Variants in GVQW3 observed in about 807,000 individuals in gnomAD.
GVQW3 encodes GVQW motif containing 3, also known as protein GVQW3.
A neutral mutation model predicts 12.5 loss-of-function variants in GVQW3; 7 were observed. That is an observed-to-expected ratio of 0.56 (90% confidence interval 0.32 to 1.05). The LOEUF is 1.05. Among genes scored for constraint, GVQW3 ranks in the 50% least tolerant of loss-of-function variants. GVQW3 has a pLI of 0.04. For missense variants in GVQW3, 188 were observed against 190.8 expected (o/e 0.99, Z 0.09); for synonymous variants, 71 against 67.2 (o/e 1.06, Z -0.28).
intron 1 of GVQW3, among the ~76,000 whole-genome samples, chr11:76,390,462 C>G (rs1389416115): frequency 6.6e-6 from 1 of 152,190 alleles, no homozygotes; most frequent in African/African-American, 2.4e-5. Context: ...TGATGCTGTT[C>G]TAGACACAAT....
rs144556503 is a variant in GVQW3 at position 76,381,344 on chromosome 11, C to T, written c.-485C>T. 0.021 allele frequency: 3,207 copies of T among 153,632 alleles called. 116 individuals carry two copies. The highest frequency in any genetic ancestry group is 0.074 in the African/African-American group (3,073 of 41,638). 9.5% of individuals were successfully genotyped at this position (153,632 alleles called of 1,614,324 possible). On this transcript the variant is annotated 5_prime_UTR_variant, in exon 1 of 2. In the 5' UTR this introduces an upstream ATG that the reference lacks. Coordinates refer to ENST00000529331, the MANE Select transcript of GVQW3 (RefSeq NM_001347885.2). ...GCGCATGCGCGCCTGTCTCCCGGGACGCTAGAGCAGGCGGTTCCTGGGCTG... is the reference window on the plus strand; with the variant it reads ...GCGCATGCGCGCCTGTCTCCCGGGATGCTAGAGCAGGCGGTTCCTGGGCTG...
At chr11:76,386,953 A>C (rs997849128) in intron 1 of GVQW3, among the ~76,000 whole-genome samples, 1 of 152,210 alleles carries the variant, frequency 6.6e-6, no homozygotes, top group African/African-American at 2.4e-5. Context: ...ACAGACTTCT[A>C]TAAAGGAGTC....
chr11:76,398,068 G>A (rs566704712), intron 1 of GVQW3, among the ~76,000 whole-genome samples: 1 of 150,288 alleles, frequency 6.7e-6, no homozygotes, highest in South Asian at 2.1e-4. Context: ...CCAGGAGGCA[G>A]AGGTTGTAGT....
chr11:76,397,255 G>A (rs1242146662), intron 1 of GVQW3, among the ~76,000 whole-genome samples: 2 of 152,038 alleles, frequency 1.3e-5, no homozygotes, highest in Non-Finnish European at 2.9e-5. Flanking sequence ...GCCCACCTTG[G>A]CCTCCCAAAG....
At position 76,382,128 on chromosome 11, in the gene GVQW3, CAAAG is replaced by C. The variant is rs1946778982; in HGVS notation, c.304_307del (p.Glu102LeufsTer6). Reference sequence around the variant, plus strand: ...TGATGGCTGAAGAGTTAAATTTAGACAAAGAAACTGTTAGGCTCATTTTGAAAGA... The same window carrying C: ...TGATGGCTGAAGAGTTAAATTTAGACAAACTGTTAGGCTCATTTTGAAAGA... On this transcript the variant is annotated frameshift_variant, in exon 1 of 2. Coordinates refer to ENST00000529331, the MANE Select transcript of GVQW3 (RefSeq NM_001347885.2). LOFTEE classifies it high-confidence loss of function. The C allele has an allele frequency of 6.5e-7, 1 of 1,536,364 alleles. No individual in the cohort carries two copies.
chr11:76,409,759 C>G (rs1460304886), downstream of GVQW3, among the ~76,000 whole-genome samples: 1 of 152,180 alleles, frequency 6.6e-6, no homozygotes, highest in Non-Finnish European at 1.5e-5. Flanking sequence ...GAACCTGGCA[C>G]AGAGTCTGTG....
chr11:76,387,296 CGTG>C (rs1182186502), intron 1 of GVQW3, among the ~76,000 whole-genome samples: 6 of 151,788 alleles, frequency 4.0e-5, no homozygotes, highest in African/African-American at 1.5e-4. Flanking sequence ...ATTAGCCGGG[CGTG>C]GTGGTGTGTG....
Position 76,408,117 on chromosome 11 carries a change from C to T in GVQW3, c.*4359C>T, listed in dbSNP as rs776999586. The T allele has an allele frequency of 2.0e-5, 3 of 151,982 alleles. No homozygotes were observed. The highest frequency in any genetic ancestry group is 2.1e-4 in the South Asian group (1 of 4,820). The allele number at this position is 151,982 out of a possible 1,614,324, so 9.4% of individuals were successfully genotyped here. On this transcript the variant is annotated 3_prime_UTR_variant, in exon 2 of 2. Transcript: ENST00000529331. ...ATATGTATAATGAACATTAAAATTA[C>T]TTGTTAAGAAAGAAAGAAATGTGTT...
chr11:76,381,536 ACTGGCAAAC>A lies in GVQW3; in HGVS notation c.-292_-284del. 23 of 325,644 alleles carry A rather than the reference ACTGGCAAAC, an allele frequency of 7.1e-5. No individual in the cohort carries two copies. Among genetic ancestry groups the A allele is most frequent in the South Asian group, 3.2e-4 (5 of 15,536 alleles). The allele number at this position is 325,644 out of a possible 1,614,324, so 20.2% of individuals were successfully genotyped here. On this transcript the variant is annotated 5_prime_UTR_variant, in exon 1 of 2. Coordinates refer to ENST00000529331, the MANE Select transcript of GVQW3 (RefSeq NM_001347885.2). ...CCGCGGAATCGGAGCGACCTTGGTG[ACTGGCAAAC>A]TCTCGGCAGATGTGCGTGCACTGGT...
rs1947016179 is a variant in GVQW3, at chr11:76,404,009, C to T, written c.*251C>T. 4.7e-6 allele frequency: 3 copies of T among 641,374 alleles called. No individual in the cohort carries two copies. 39.7% of individuals were successfully genotyped at this position (641,374 alleles called of 1,614,324 possible). On this transcript the variant is annotated 3_prime_UTR_variant, in exon 2 of 2. Coordinates refer to ENST00000529331, the MANE Select transcript of GVQW3 (RefSeq NM_001347885.2). ...CTACCAATTCAAATGCTAATCTCTT[C>T]CGGAAACATCCCCACAGACACACCC...
At chr11:76,390,821 C>T (rs569279255) in intron 1 of GVQW3, among the ~76,000 whole-genome samples, 161 of 124,752 alleles carry the variant, frequency 1.3e-3, no homozygotes, top group African/African-American at 4.3e-3. Flanking sequence ...AGCAAGACTC[C>T]GTCTTAAAAA....
chr11:76,399,937 C>A (rs1946972300), intron 1 of GVQW3, among the ~76,000 whole-genome samples: 1 of 151,626 alleles, frequency 6.6e-6, no homozygotes, highest in African/African-American at 2.4e-5. Flanking sequence ...CTTGGAACTT[C>A]TCAGCCTCCG....
chr11:76,412,369 T>C (rs1947085193), downstream of GVQW3: 1 of 152,174 alleles, frequency 6.6e-6, no homozygotes, highest in Non-Finnish European at 1.5e-5. Flanking sequence ...GAAGTGGTAC[T>C]GAAGGATGGG....
In GVQW3 at chr11:76,407,576, C is replaced by CAAAAAAAAA. The variant is rs36229661; in HGVS notation, c.*3837_*3845dup. ...TGGGCGGCAGAGCAAGACTCCCTCT[C>CAAAAAAAAA]AAAAAAAAAAAAAAAAAAAAAAAAA... On this transcript the variant is annotated 3_prime_UTR_variant, in exon 2 of 2. Transcript: ENST00000529331. 1 of 88,556 alleles carries CAAAAAAAAA rather than the reference C, an allele frequency of 1.1e-5. No homozygotes were observed. 5.5% of individuals were successfully genotyped at this position (88,556 alleles called of 1,614,324 possible). A position where few individuals can be genotyped will look rare whatever the true frequency, so the allele number is the denominator to read the frequency against.
downstream of GVQW3, among the ~76,000 whole-genome samples, chr11:76,409,923 A>G (rs1947069835): frequency 4.6e-5 from 7 of 152,156 alleles, no homozygotes. Flanking sequence ...TATAAGTCTC[A>G]CAGTCAACAT....
At chr11:76,388,042 G>A (rs1415523806) in intron 1 of GVQW3, among the ~76,000 whole-genome samples, 2 of 152,192 alleles carry the variant, frequency 1.3e-5, no homozygotes, top group African/African-American at 4.8e-5. Flanking sequence ...TAAATTTTGT[G>A]CTGTTTTTGA....
At chr11:76,382,444 T>C (rs1481663437) in intron 1 of GVQW3, 151 bp downstream of exon 1, 2 of 686,352 alleles carry the variant, frequency 2.9e-6, no homozygotes, top group Admixed American at 4.4e-5. Flanking sequence ...AGCTGAGAAT[T>C]GGTTCACCCC....
chr11:76,401,151 G>A (rs1946985596), intron 1 of GVQW3, among the ~76,000 whole-genome samples: 2 of 151,844 alleles, frequency 1.3e-5, no homozygotes, highest in Non-Finnish European at 2.9e-5. Context: ...ATAATTACAT[G>A]CATGAGCCAC....
chr11:76,387,075 A>G (rs976698873), intron 1 of GVQW3, among the ~76,000 whole-genome samples: 9 of 152,192 alleles, frequency 5.9e-5, no homozygotes, highest in African/African-American at 2.2e-4. Flanking sequence ...TTATAAATGG[A>G]TACTAGAATT....
Sources: allele counts gnomAD v4.1 joint callset (sites outside exome capture counted in the v4.1 genomes callset), GRCh38; gene constraint gnomAD v4.1.1; transcripts MANE v1.5; gene names NCBI Gene and HGNC (gene_info 2026-07-23, HGNC 2026-07-21).